The following EPHA5 variants were observed in gnomAD, a reference collection of about 807,000 sequenced individuals.
The protein encoded by EPHA5 is ephrin type-A receptor 5.
EPHA5 carries 60 observed loss-of-function variants against 105.0 expected under a neutral mutation model. The observed-to-expected ratio is 0.57, with a 90% CI of 0.46 to 0.71. The LOEUF (loss-of-function observed/expected upper bound fraction) is 0.71, where lower values mean the gene tolerates loss of function less well. EPHA5 is among the 30% of genes least tolerant of loss of function. The probability of loss-of-function intolerance (pLI) is 0.00; values close to 1 mark genes in which losing one functional copy is unlikely to be tolerated. For synonymous variants in EPHA5, 513 were observed against 449.1 expected (o/e 1.14, Z -1.80); for missense variants, 1,218 against 1,274.7 (o/e 0.96, Z 0.68).
At chr4:65,324,921 A>T (rs34412857) in intron 16 of EPHA5, among the ~76,000 whole-genome samples, 1 of 151,246 alleles carries the variant, frequency 6.6e-6, no homozygotes, top group East Asian at 2.0e-4. Context: ...ATAAATTTAC[A>T]AATATTTAGA....
chr4:65,374,616 C>T (rs1718808241), intron 8 of EPHA5, among the ~76,000 whole-genome samples: 1 of 151,848 alleles, frequency 6.6e-6, no homozygotes, highest in African/African-American at 2.4e-5. Flanking sequence ...CACAAGTTAT[C>T]TCAGGGTATT....
Position 65,365,016 on chromosome 4 carries a change from C to T in EPHA5, c.2173+1G>A. The T allele has an allele frequency of 6.2e-7, 1 of 1,609,946 alleles. No individual in the cohort carries two copies. On this transcript the variant is annotated splice_donor_variant, in intron 11 of 16. Coordinates refer to ENST00000613740, the MANE Select transcript of EPHA5 (RefSeq NM_001281766.3). LOFTEE classifies it high-confidence loss of function. ...CATGTATAATTTGCCATCATACTTA[C>T]TTTTGGTCACCACACCTTCTAAATG...
chr4:65,327,032 G>A (rs939361346), intron 16 of EPHA5, among the ~76,000 whole-genome samples: 2 of 150,958 alleles, frequency 1.3e-5, no homozygotes, highest in Admixed American at 6.6e-5. Flanking sequence ...TATTTCTACT[G>A]TCTTAACTTG....
intron 14 of EPHA5, among the ~76,000 whole-genome samples, chr4:65,337,989 G>A (rs1376094137): frequency 1.3e-5 from 2 of 151,614 alleles, no homozygotes; most frequent in South Asian, 4.2e-4. Context: ...TAATTATAAG[G>A]CAAACTCCAG....
intron 2 of EPHA5, among the ~76,000 whole-genome samples, chr4:65,610,562 C>T (rs557151765): frequency 3.3e-5 from 5 of 151,310 alleles, no homozygotes; most frequent in African/African-American, 1.2e-4. Context: ...ATTAATTAAA[C>T]AAATAAAATG....
intron 3 of EPHA5, among the ~76,000 whole-genome samples, chr4:65,588,810 C>T (rs1310582732): frequency 6.6e-6 from 1 of 152,090 alleles, no homozygotes; most frequent in East Asian, 1.9e-4. Context: ...CTGGCCTGGT[C>T]GGACGGTACC....
At chr4:65,352,983 G>A (rs2148860052) in intron 12 of EPHA5, 59 bp downstream of exon 12, 2 of 1,193,838 alleles carry the variant, frequency 1.7e-6, no homozygotes, top group Non-Finnish European at 1.2e-6. Flanking sequence ...CATCATCACA[G>A]CACAACATCA....
At chr4:65,399,167 C>A (rs1721560592) in intron 8 of EPHA5, among the ~76,000 whole-genome samples, 2 of 152,178 alleles carry the variant, frequency 1.3e-5, no homozygotes, top group South Asian at 4.1e-4. Context: ...TCACCACATT[C>A]CCCTCATCCA....
chr4:65,393,316 T>C (rs970474637), intron 8 of EPHA5, among the ~76,000 whole-genome samples: 1 of 152,188 alleles, frequency 6.6e-6, no homozygotes, highest in Admixed American at 6.5e-5. Context: ...TTAGTTAAGG[T>C]CTCAGTGCTA....
chr4:65,496,899 G>A (rs1042510268), intron 3 of EPHA5, among the ~76,000 whole-genome samples: 5 of 152,134 alleles, frequency 3.3e-5, no homozygotes, highest in Non-Finnish European at 7.3e-5. Flanking sequence ...TAAAGAAAGT[G>A]TTTTCTGATA....
intron 3 of EPHA5, among the ~76,000 whole-genome samples, chr4:65,505,645 A>G (rs946067600): frequency 3.9e-5 from 6 of 152,094 alleles, no homozygotes; most frequent in African/African-American, 1.4e-4. Context: ...TTTTTAGAGC[A>G]CCTAAATTTA....
chr4:65,649,670 A>T (rs1311422906), intron 1 of EPHA5, among the ~76,000 whole-genome samples: 1 of 152,142 alleles, frequency 6.6e-6, no homozygotes, highest in East Asian at 1.9e-4. Context: ...TATCTTCCTC[A>T]TTCCTTACCT....
intron 8 of EPHA5, among the ~76,000 whole-genome samples, chr4:65,384,942 TC>T (rs1437119391): frequency 6.6e-6 from 1 of 150,500 alleles, no homozygotes; most frequent in African/African-American, 2.4e-5. Flanking sequence ...GAGCTCTTCC[TC>T]CCCCAGTCAT....
intron 4 of EPHA5, among the ~76,000 whole-genome samples, chr4:65,491,186 A>C (rs1231883109): frequency 6.6e-6 from 1 of 151,832 alleles, no homozygotes; most frequent in Non-Finnish European, 1.5e-5. Context: ...GTAAGTAAAA[A>C]AAAAAAAAAC....
intron 7 of EPHA5, among the ~76,000 whole-genome samples, chr4:65,413,262 C>T (rs1245943665): frequency 6.6e-6 from 1 of 151,930 alleles, no homozygotes; most frequent in Admixed American, 6.6e-5. Context: ...GCGTAGAAAA[C>T]AAATTTATAA....
At chr4:65,367,492 C>T (rs888511494) in intron 8 of EPHA5, 68 bp from the exon 9 acceptor site, 2 of 1,426,952 alleles carry the variant, frequency 1.4e-6, no homozygotes, top group Non-Finnish European at 2.0e-6. Flanking sequence ...AGCCCAGAAG[C>T]ATGAAGCACA....
At chr4:65,422,706 A>G (rs1724051035) in intron 5 of EPHA5, among the ~76,000 whole-genome samples, 1 of 152,062 alleles carries the variant, frequency 6.6e-6, no homozygotes, top group Admixed American at 6.6e-5. Flanking sequence ...ACCTTTGCAT[A>G]CTAGTATGAT....
chr4:65,549,250 T>A (rs1373274576), intron 3 of EPHA5, among the ~76,000 whole-genome samples: 1 of 152,090 alleles, frequency 6.6e-6, no homozygotes, highest in African/African-American at 2.4e-5. Flanking sequence ...AGAAAATAAC[T>A]GGCAACACAG....
At chr4:65,539,713 C>T (rs1183630931) in intron 3 of EPHA5, among the ~76,000 whole-genome samples, 1 of 151,594 alleles carries the variant, frequency 6.6e-6, no homozygotes, top group Non-Finnish European at 1.5e-5. Context: ...TAAAAGCATA[C>T]TGTTTTGAAA....
Sources: gnomAD v4.1 joint callset for allele counts (sites outside exome capture counted in the v4.1 genomes callset) on GRCh38, gnomAD v4.1.1 for gene constraint, MANE v1.5 for transcripts, NCBI Gene and HGNC (gene_info 2026-07-23, HGNC 2026-07-21) for gene names.